GOLGB1: variants seen among roughly 807,000 people sequenced by gnomAD.
GOLGB1 encodes golgin subfamily B member 1.
GOLGB1 carries 174 observed loss-of-function variants against 336.9 expected under a neutral mutation model. That is an observed-to-expected ratio of 0.52 (90% CI 0.46 to 0.59). The LOEUF (loss-of-function observed/expected upper bound fraction) is 0.59, where lower values mean the gene tolerates loss of function less well. GOLGB1 is among the 20% of genes least tolerant of loss of function. GOLGB1 has a pLI of 0.00. For missense variants in GOLGB1, 3,331 were observed against 3,645.3 expected (o/e 0.91, Z 2.22); for synonymous variants, 1,208 against 1,289.2 (o/e 0.94, Z 1.35).
intron 1 of GOLGB1, among the ~76,000 whole-genome samples, chr3:121,736,151 G>C (rs1308971769): frequency 6.6e-6 from 1 of 152,134 alleles, no homozygotes; most frequent in Non-Finnish European, 1.5e-5. Flanking sequence ...ATTAATGGTA[G>C]AGACAAATCT....
At chr3:121,683,054 T>TTTTTTTTTTTTTTTTTTTTTTTG in intron 14 of GOLGB1, among the ~76,000 whole-genome samples, 1 of 70,934 alleles carries the variant, frequency 1.4e-5, no homozygotes. Context: ...TTTCTTTTAA[T>TTTTTTTTTTTTTTTTTTTTTTTG]TTTTTTTTTT....
chr3:121,709,840 AC>A (rs769582445), intron 10 of GOLGB1, among the ~76,000 whole-genome samples: 4 of 152,256 alleles, frequency 2.6e-5, no homozygotes, highest in East Asian at 1.9e-4. Context: ...ATAATCAGCA[AC>A]AGAGAAAATT....
In GOLGB1 at chr3:121,667,622, G is replaced by C; in HGVS notation, c.9420-12C>G. The C allele has an allele frequency of 1.9e-6, 3 of 1,611,352 alleles. No individual in the cohort carries two copies. Among genetic ancestry groups the C allele is most frequent in the Non-Finnish European group, 2.5e-6 (3 of 1,178,536 alleles). On this transcript the variant is annotated splice_polypyrimidine_tract_variant and intron_variant, in intron 19 of 21. Transcript: ENST00000614479. ...GAGCTTCAGAAAAGCTTTAGGATGA[G>C]AGGAAAACAAAAAGCATCATCAGAT...
In GOLGB1 at chr3:121,696,961, C is replaced by T; in HGVS notation, c.3562G>A (p.Ala1188Thr). The T allele has an allele frequency of 6.2e-7, 1 of 1,614,024 alleles. No homozygotes were observed. The highest frequency in any genetic ancestry group is 1.3e-5 in the African/African-American group (1 of 74,974). ...KEQLQKKLQE[A>T]LTSRKAILKK... ...AGAATTGCCTTGCGGGAGGTTAAGGCTTCCTGTAGCTTCTTTTGAAGTTGC... is the reference window on the plus strand; with the variant it reads ...AGAATTGCCTTGCGGGAGGTTAAGGTTTCCTGTAGCTTCTTTTGAAGTTGC... The change falls in exon 13 of 22, where the codon GCC becomes ACC. Residue 1188 changes from alanine (A) to threonine (T), a missense_variant. Coordinates refer to ENST00000614479, the MANE Select transcript of GOLGB1 (RefSeq NM_001366282.2).
chr3:121,723,854 A>C (rs1300674731), intron 5 of GOLGB1, among the ~76,000 whole-genome samples: 1 of 152,170 alleles, frequency 6.6e-6, no homozygotes. Context: ...GAGGTTTAGG[A>C]GAATAAATTT....
intron 1 of GOLGB1, among the ~76,000 whole-genome samples, chr3:121,748,163 G>A (rs1947498188): frequency 6.6e-6 from 1 of 152,114 alleles, no homozygotes; most frequent in Admixed American, 6.5e-5. Context: ...TGCCAGAAAT[G>A]CCAACGACCT....
chr3:121,715,510 T>C (rs1944693794), intron 9 of GOLGB1, among the ~76,000 whole-genome samples: 1 of 151,340 alleles, frequency 6.6e-6, no homozygotes, highest in African/African-American at 2.4e-5. Flanking sequence ...TGGGGAGGCC[T>C]AGCCCTAGGC....
rs537230710 is a variant in GOLGB1, at chr3:121,697,434, T to G, written c.3089A>C (p.Lys1030Thr). The G allele has an allele frequency of 3.7e-6, 6 of 1,611,564 alleles. No individual in the cohort carries two copies. The African/African-American group carries it at 8.0e-5, about 22-fold the overall frequency. ...ELANLKDESK[K>T]EIPLSETERG... Reference sequence around the variant, plus strand: ...CTCAGTCTCACTGAGTGGGATTTCTTTCTTAGATTCATCTTTCAAGTTGGC... The same window carrying G: ...CTCAGTCTCACTGAGTGGGATTTCTGTCTTAGATTCATCTTTCAAGTTGGC... The change falls in exon 13 of 22, where the codon AAA (lysine) becomes ACA (threonine). Residue 1030 changes from lysine (K) to threonine (T), a missense_variant. Transcript: ENST00000614479.
rs773262826 is a variant in GOLGB1 at position 121,730,887 on chromosome 3, G to T, written c.85C>A (p.Pro29Thr). 1.9e-6 allele frequency: 3 copies of T among 1,611,946 alleles called. No homozygotes were observed. Among genetic ancestry groups the T allele is most frequent in the South Asian group, 1.1e-5 (1 of 90,968 alleles). ...DDDTDQNMRA[P>T]LDPELHQESD... Reference sequence around the variant, plus strand: ...ACAGAACTACTCACAGGGTCTAGGGGAGCCCTCATATTCTGATCAGTGTCA... The same window carrying T: ...ACAGAACTACTCACAGGGTCTAGGGTAGCCCTCATATTCTGATCAGTGTCA... The change falls in exon 2 of 22, where the codon CCC (proline) becomes ACC (threonine). Residue 29 changes from proline to threonine, a missense_variant. Pro to Thr is a conservative substitution (Grantham distance 38). Coordinates refer to ENST00000614479, the MANE Select transcript of GOLGB1 (RefSeq NM_001366282.2).
chr3:121,670,761 G>C (rs576293641), intron 17 of GOLGB1, among the ~76,000 whole-genome samples: 14 of 149,306 alleles, frequency 9.4e-5, no homozygotes, highest in East Asian at 2.1e-4. Flanking sequence ...CTTTTGGGGG[G>C]GGGGGTGTGG....
chr3:121,699,206 CT>C (rs1459111479), intron 12 of GOLGB1, among the ~76,000 whole-genome samples: 1 of 152,040 alleles, frequency 6.6e-6, no homozygotes, highest in Admixed American at 6.6e-5. Flanking sequence ...ACATAAGAAG[CT>C]TTTTTTCCTT....
At position 121,688,705 on chromosome 3, in the gene GOLGB1, G is replaced by A. The variant is rs1422654154; in HGVS notation, c.8694+1965C>T. 5.3e-5 allele frequency among the ~76,000 whole-genome samples: 8 copies of A among 151,458 alleles called. No individual in the cohort carries two copies. In the East Asian group the frequency reaches 7.8e-4, roughly 15 times the overall value. ...CTGCCCAGTCTGGAAAGTGAGGAGC[G>A]TCTCTGCCCGGCCGCCATCCCATCT... On this transcript the variant is annotated intron_variant, in intron 14 of 21. Transcript: ENST00000614479.
chr3:121,707,817 T>G (rs1004401867), intron 10 of GOLGB1, among the ~76,000 whole-genome samples: 1 of 152,064 alleles, frequency 6.6e-6, no homozygotes. Flanking sequence ...AATGGCAGAG[T>G]TGAGTACCTG....
In GOLGB1 at chr3:121,691,712, A is replaced by G. The variant is rs76537057; in HGVS notation, c.7652T>C (p.Ile2551Thr). The stretch of plus-strand genomic sequence containing the variant: ...AAGCTGCTTTTGTTGGCTGTCCTTT[A>G]TTGTTATCACTTGGTTCAGGTCTTC... ...YREDLNQVITIKDSQQKQLLE... is the reference protein window; with the variant it reads ...YREDLNQVITTKDSQQKQLLE... Residue 2551 changes from isoleucine to threonine, a missense_variant, in exon 14 of 22, where the codon ATA becomes ACA. Transcript: ENST00000614479. The G allele has an allele frequency of 1.9e-6, 3 of 1,612,780 alleles. No individual in the cohort carries two copies. In the African/African-American group the frequency reaches 4.0e-5, roughly 22 times the overall value.
chr3:121,722,013 A>G (rs1478158500), intron 6 of GOLGB1, among the ~76,000 whole-genome samples: 2 of 152,208 alleles, frequency 1.3e-5, no homozygotes, highest in Non-Finnish European at 2.9e-5. Flanking sequence ...ACAGTCATCA[A>G]TTAGGCTATA....
chr3:121,710,200 A>G (rs1180385824), intron 10 of GOLGB1, among the ~76,000 whole-genome samples: 1 of 152,006 alleles, frequency 6.6e-6, no homozygotes, highest in East Asian at 1.9e-4. Context: ...AGATGGTTTC[A>G]TTGGTGAATT....
intron 10 of GOLGB1, 126 bp from the exon 11 acceptor site, chr3:121,702,721 C>T (rs1253054008): frequency 1.3e-5 from 5 of 396,078 alleles, no homozygotes; most frequent in Admixed American, 4.4e-5. Flanking sequence ...TTAAAAATAA[C>T]ATCTACTTAT....
Position 121,691,742 on chromosome 3 carries a change from T to C in GOLGB1, c.7622A>G (p.Tyr2541Cys). The change falls in exon 14 of 22, where the codon TAT becomes TGT. Residue 2541 changes from tyrosine (Y) to cysteine (C), a missense_variant. By Grantham distance (194) the Tyr-to-Cys change is radical. Coordinates refer to ENST00000614479, the MANE Select transcript of GOLGB1 (RefSeq NM_001366282.2). ...TATCACTTGGTTCAGGTCTTCTCTATATTGGATCAGTTCTGCATCTAGCTT... is the reference window on the plus strand; with the variant it reads ...TATCACTTGGTTCAGGTCTTCTCTACATTGGATCAGTTCTGCATCTAGCTT... Reference protein sequence around the residue: ...NAKLDAELIQYREDLNQVITI... With the variant: ...NAKLDAELIQCREDLNQVITI... The C allele has an allele frequency of 6.2e-7, 1 of 1,613,834 alleles. No individual in the cohort carries two copies.
At chr3:121,743,213 T>A (rs895738928) in intron 1 of GOLGB1, among the ~76,000 whole-genome samples, 7 of 152,040 alleles carry the variant, frequency 4.6e-5, no homozygotes, top group African/African-American at 1.7e-4. Context: ...TTGGAACCAA[T>A]CCAAATGTCC....
Sources: allele counts gnomAD v4.1 joint callset (sites outside exome capture counted in the v4.1 genomes callset), GRCh38; gene constraint gnomAD v4.1.1; transcripts MANE v1.5; gene names NCBI Gene and HGNC (gene_info 2026-07-23, HGNC 2026-07-21).